PCDH15: variants seen among roughly 807,000 people sequenced by gnomAD.
The protein encoded by PCDH15 is protocadherin-15.
Under a neutral mutation model 178.5 loss-of-function variants are expected in PCDH15, and 129 were observed. The observed-to-expected ratio is 0.72, with a 90% CI of 0.63 to 0.84. The LOEUF is 0.84. Ranked by LOEUF, PCDH15 falls within the 40% of genes least tolerant of loss-of-function variation. PCDH15 has a pLI of 0.00. For missense variants in PCDH15, 2,230 were observed against 2,099.9 expected (o/e 1.06, Z -1.21); for synonymous variants, 800 against 732.0 (o/e 1.09, Z -1.50).
chr10:55,354,221 G>A (rs1845015512), intron 2 of PCDH15, among the ~76,000 whole-genome samples: 1 of 152,028 alleles, frequency 6.6e-6, no homozygotes, highest in African/African-American at 2.4e-5. Flanking sequence ...CATCAGTTTG[G>A]ATACCTGTAA....
At chr10:55,336,635 AC>A (rs1844404540) in intron 2 of PCDH15, among the ~76,000 whole-genome samples, 1 of 152,184 alleles carries the variant, frequency 6.6e-6, no homozygotes, top group South Asian at 2.1e-4. Context: ...AGACACTGAG[AC>A]ACAAAGAAGA....
At chr10:54,562,577 G>C (rs921506692) in intron 2 of PCDH15, among the ~76,000 whole-genome samples, 1 of 151,974 alleles carries the variant, frequency 6.6e-6, no homozygotes, top group African/African-American at 2.4e-5. Context: ...TTTTCAAAAT[G>C]GGCATGAAGA....
intron 2 of PCDH15, among the ~76,000 whole-genome samples, chr10:55,450,492 A>G (rs1207075410): frequency 6.6e-6 from 1 of 152,166 alleles, no homozygotes; most frequent in African/African-American, 2.4e-5. Context: ...AGTGTAGTTG[A>G]GCCCTCTCCG....
chr10:54,009,474 T>A (rs2092499436), intron 20 of PCDH15, among the ~76,000 whole-genome samples: 1 of 152,044 alleles, frequency 6.6e-6, no homozygotes, highest in Non-Finnish European at 1.5e-5. Context: ...TAGCAGATAA[T>A]CCAGGTCAAG....
At chr10:55,078,441 C>T (rs1255139309) in intron 2 of PCDH15, among the ~76,000 whole-genome samples, 1 of 152,044 alleles carries the variant, frequency 6.6e-6, no homozygotes, top group African/African-American at 2.4e-5. Context: ...CTCTGAAATA[C>T]TGATAATTTG....
At chr10:54,447,246 T>A (rs1227104741) in intron 3 of PCDH15, among the ~76,000 whole-genome samples, 1 of 151,642 alleles carries the variant, frequency 6.6e-6, no homozygotes, top group Non-Finnish European at 1.5e-5. Context: ...GTGGTGAGAA[T>A]ACTTGAAATC....
chr10:54,015,616 T>C lies in PCDH15; in HGVS notation c.2751+4576A>G, dbSNP rs1003746254. ...ATGCTGCATACTTATAAGCATCTGA[T>C]GTACAACAAAATAAATAAAAACAAG... On this transcript the variant is annotated intron_variant, in intron 20 of 37. Coordinates refer to ENST00000644397, the MANE Select transcript of PCDH15 (RefSeq NM_001384140.1). Among the ~76,000 whole-genome samples the C allele has an allele frequency of 4.6e-5, 7 of 152,244 alleles. 1 individual carries two copies. In the East Asian group the frequency reaches 1.4e-3, roughly 29 times the overall value.
chr10:55,198,327 C>A (rs1477508659), intron 1 of PCDH15, among the ~76,000 whole-genome samples: 1 of 151,972 alleles, frequency 6.6e-6, no homozygotes, highest in Non-Finnish European at 1.5e-5. Context: ...GGAGGAGTGG[C>A]CTGATAGGTG....
At chr10:53,831,288 C>G (rs371881089) in intron 30 of PCDH15, 27 bp downstream of exon 30, 2 of 1,603,108 alleles carry the variant, frequency 1.2e-6, no homozygotes, top group Non-Finnish European at 1.7e-6. Context: ...GAGGAACTAT[C>G]CAGGTTTACC....
chr10:54,975,012 ATCT>A (rs937134638), intron 2 of PCDH15, among the ~76,000 whole-genome samples: 2 of 152,272 alleles, frequency 1.3e-5, no homozygotes, highest in African/African-American at 4.8e-5. Context: ...CAAAACACAC[ATCT>A]TCTCAGCTAC....
intron 2 of PCDH15, among the ~76,000 whole-genome samples, chr10:55,584,413 C>T (rs1052540719): frequency 4.0e-5 from 6 of 151,182 alleles, no homozygotes; most frequent in African/African-American, 9.7e-5. Flanking sequence ...AATCCCAGCA[C>T]GTTGAGAGAC....
At position 53,822,693 on chromosome 10, in the gene PCDH15, G is replaced by A. The variant is rs143438666; in HGVS notation, c.4368-2463C>T. ...TTCTGATTTGAGTTCCACAGTTCTT[G>A]AAACAGTTGGCAAAGTGGAGAATGA... On this transcript the variant is annotated intron_variant, in intron 32 of 37. Transcript: ENST00000644397. 1.2e-5 allele frequency: 20 copies of A among 1,614,096 alleles called. No homozygotes were observed. In the East Asian group the frequency reaches 1.6e-4, roughly 13 times the overall value.
At position 55,341,805 on chromosome 10, in the gene PCDH15, ATTTTTTTTTTTT is replaced by A. The variant is rs869187882; in HGVS notation, c.-155-175166_-155-175155del. ...TATATATATATATATATATATATAT[ATTTTTTTTTTTT>A]TTTTTTTTTTTTTTAGTAGAGATGG... is the stretch of plus-strand genomic sequence containing the variant. On this transcript the variant is annotated intron_variant, in intron 2 of 5. Coordinates refer to the PCDH15 transcript ENST00000613346. Among the ~76,000 whole-genome samples the A allele has an allele frequency of 2.6e-3, 42 of 16,294 alleles. 1 individual carries two copies. The highest frequency in any genetic ancestry group is 6.3e-3 in the East Asian group (3 of 474). 10.7% of individuals were successfully genotyped at this position (16,294 alleles called of 152,430 possible).
chr10:54,519,627 G>A (rs1245663821), intron 3 of PCDH15, among the ~76,000 whole-genome samples: 1 of 152,140 alleles, frequency 6.6e-6, no homozygotes, highest in East Asian at 1.9e-4. Flanking sequence ...TGTGAAAATG[G>A]CCATACTGCC....
At chr10:55,582,175 C>T (rs527469489) in intron 2 of PCDH15, among the ~76,000 whole-genome samples, 7 of 152,270 alleles carry the variant, frequency 4.6e-5, no homozygotes, top group South Asian at 2.1e-4. Context: ...TCCTCAAAGC[C>T]GTGCTGTACT....
At chr10:54,189,437 C>A (rs781611499) in intron 11 of PCDH15, 22 of 1,318,582 alleles carry the variant, frequency 1.7e-5, no homozygotes, top group South Asian at 1.7e-5. Flanking sequence ...TGATCACAAC[C>A]GCACATATGA....
At chr10:54,906,264 T>A (rs1187528390) in intron 2 of PCDH15, among the ~76,000 whole-genome samples, 5 of 152,178 alleles carry the variant, frequency 3.3e-5, no homozygotes, top group African/African-American at 1.2e-4. Flanking sequence ...AGGACCCAGA[T>A]GACTATTCTC....
intron 3 of PCDH15, among the ~76,000 whole-genome samples, chr10:54,435,345 A>T (rs898983835): frequency 2.6e-5 from 4 of 152,130 alleles, no homozygotes; most frequent in African/African-American, 9.7e-5. Context: ...TTAGATCTCA[A>T]CTGAAATATT....
At chr10:54,585,934 T>C (rs1361677189) in intron 2 of PCDH15, among the ~76,000 whole-genome samples, 2 of 152,192 alleles carry the variant, frequency 1.3e-5, no homozygotes, top group Admixed American at 6.6e-5. Context: ...GTTGATCTGA[T>C]GGTGTCTGAA....
Sources: gnomAD v4.1 joint callset for allele counts (sites outside exome capture counted in the v4.1 genomes callset) on GRCh38, gnomAD v4.1.1 for gene constraint, MANE v1.5 for transcripts, NCBI Gene and HGNC (gene_info 2026-07-23, HGNC 2026-07-21) for gene names.